MECR: variants seen among roughly 807,000 people sequenced by gnomAD.
MECR encodes mitochondrial trans-2-enoyl-CoA reductase, also known as enoyl-[acyl-carrier-protein] reductase, mitochondrial.
MECR carries 37 observed loss-of-function variants against 49.1 expected under a neutral mutation model. That is an observed-to-expected ratio of 0.75 (90% CI 0.58 to 0.99). The LOEUF (loss-of-function observed/expected upper bound fraction) is 0.99. Ranked by LOEUF, MECR falls within the 50% of genes least tolerant of loss-of-function variation. The probability of loss-of-function intolerance (pLI) is 0.00; values close to 1 mark genes in which losing one functional copy is unlikely to be tolerated. For synonymous variants in MECR, 198 were observed against 191.1 expected (o/e 1.04, Z -0.30); for missense variants, 470 against 479.6 (o/e 0.98, Z 0.19).
At chr1:29,216,729 G>A (rs760811078) in intron 1 of MECR, 44 bp from the exon 2 acceptor site, 112 of 1,613,516 alleles carry the variant, frequency 6.9e-5, no homozygotes, top group Non-Finnish European at 9.2e-5. Flanking sequence ...ATCCAGGCTA[G>A]AATGGGTGTT....
intron 1 of MECR, among the ~76,000 whole-genome samples, chr1:29,219,092 G>A (rs1038326680): frequency 1.3e-5 from 2 of 152,132 alleles, no homozygotes; most frequent in Non-Finnish European, 2.9e-5. Context: ...AGGCTGGACC[G>A]GCTGCCGTTG....
chr1:29,194,136 G>A lies in MECR; in HGVS notation c.1008C>T (p.Arg336=). Residue 336 remains arginine, a synonymous_variant, in exon 10 of 10, where the codon CGC becomes CGT. Coordinates refer to ENST00000263702, the MANE Select transcript of MECR (RefSeq NM_016011.5). ...ELILTLCDLI[R]RGQLTAPACS... is the part of the protein sequence containing the mutation. Reference sequence around the variant, plus strand: ...AGGCAGGGGCTGTGAGCTGGCCTCGGCGGATGAGATCGCACAGTGTGAGGA... The same window carrying A: ...AGGCAGGGGCTGTGAGCTGGCCTCGACGGATGAGATCGCACAGTGTGAGGA... 1.2e-6 allele frequency: 2 copies of A among 1,613,928 alleles called. No individual in the cohort carries two copies. The highest frequency in any genetic ancestry group is 2.2e-5 in the South Asian group (2 of 91,052).
Position 29,230,742 on chromosome 1 carries a change from G to A in MECR, c.165C>T (p.Ala55=). 1.3e-6 allele frequency: 2 copies of A among 1,583,098 alleles called. No homozygotes were observed. The highest frequency in any genetic ancestry group is 8.6e-7 in the Non-Finnish European group (1 of 1,164,700). ...ALVYGHHGDP[A]KVVELKNLEL... Reference sequence around the variant, plus strand: ...GCGCCGTCTCTTACTCGACGACCTTGGCTGGATCCCCGTGGTGCCCATAGA... The same window carrying A: ...GCGCCGTCTCTTACTCGACGACCTTAGCTGGATCCCCGTGGTGCCCATAGA... Residue 55 remains alanine (A), a synonymous_variant, in exon 1 of 10, where the codon GCC becomes GCT. Coordinates refer to ENST00000263702, the MANE Select transcript of MECR (RefSeq NM_016011.5).
chr1:29,194,320 G>GCCTCCACA, intron 9 of MECR, 141 bp from the exon 10 acceptor site: 1 of 906,162 alleles, frequency 1.1e-6, no homozygotes, highest in Non-Finnish European at 1.6e-6. Context: ...AGGATAGGGT[G>GCCTCCACA]GCTGTGGAGG....
At chr1:29,190,373 CAAAAA>C (rs907123010), downstream of MECR, among the ~76,000 whole-genome samples, 1 of 149,532 alleles carries the variant, frequency 6.7e-6, no homozygotes, top group Non-Finnish European at 1.5e-5. Flanking sequence ...CAAAACAAAA[CAAAAA>C]AAAACCGTAG....
At chr1:29,208,251 C>G (rs986016675) in intron 3 of MECR, among the ~76,000 whole-genome samples, 1 of 152,240 alleles carries the variant, frequency 6.6e-6, no homozygotes, top group East Asian at 1.9e-4. Flanking sequence ...CTCGGCCTCC[C>G]AGAGTGCTGG....
At chr1:29,223,290 C>CAA in intron 1 of MECR, 3 of 985,330 alleles carry the variant, frequency 3.0e-6, no homozygotes, top group Non-Finnish European at 3.6e-6. Flanking sequence ...ACAAGGGAGA[C>CAA]AAAAGCAGGC....
the MECR span, chr1:29,170,393 A>G: frequency 6.6e-6 from 1 of 152,216 alleles, no homozygotes; most frequent in African/African-American, 2.4e-5. Context: ...TTCCACACAA[A>G]AGCTACAAAC....
the MECR span, among the ~76,000 whole-genome samples, chr1:29,175,694 C>CAAAA: frequency 0.083 from 3,200 of 38,396 alleles, 653 homozygotes; most frequent in Non-Finnish European, 0.11. Flanking sequence ...GACGCTGTCT[C>CAAAA]AAAAAAAAAA....
chr1:29,190,465 G>T (rs1364154163), downstream of MECR, among the ~76,000 whole-genome samples: 3 of 151,470 alleles, frequency 2.0e-5, no homozygotes, highest in Admixed American at 2.0e-4. Context: ...GGAAGGGGAA[G>T]AAAAAGGTAC....
At chr1:29,228,100 G>A (rs552213441) in intron 1 of MECR, among the ~76,000 whole-genome samples, 2 of 152,216 alleles carry the variant, frequency 1.3e-5, no homozygotes, top group East Asian at 1.9e-4. Context: ...GTCAAGCTGG[G>A]TGTGGTGGTA....
intron 5 of MECR, 33 bp downstream of exon 5, chr1:29,203,098 A>T: frequency 6.6e-7 from 1 of 1,510,806 alleles, no homozygotes; most frequent in Non-Finnish European, 9.0e-7. Context: ...GACCCAAGAC[A>T]TGGTCTGGGA....
At chr1:29,168,171 T>C in the MECR span, among the ~76,000 whole-genome samples, 3 of 150,770 alleles carry the variant, frequency 2.0e-5, no homozygotes, top group Non-Finnish European at 4.4e-5. Flanking sequence ...TGCACCACCA[T>C]GCCCGGCAAA....
chr1:29,174,681 T>G, the MECR span, among the ~76,000 whole-genome samples: 1,517 of 149,568 alleles, frequency 0.01, 36 homozygotes, highest in African/African-American at 0.035. Context: ...ATAGGTTTTT[T>G]TTTTTTTTTT....
chr1:29,176,138 G>A, the MECR span, among the ~76,000 whole-genome samples: 3 of 152,126 alleles, frequency 2.0e-5, no homozygotes, highest in East Asian at 1.9e-4. Flanking sequence ...TGTAGTCCCA[G>A]CTACTTGGGA....
In MECR at chr1:29,214,641, G is replaced by A. The variant is rs143887356; in HGVS notation, c.406+1364C>T. Reference sequence around the variant, plus strand: ...CTCCCAAAGTGCTGGGATTACAGGCGTGAGCCACCACGCCTGGCCCCAACT... The same window carrying A: ...CTCCCAAAGTGCTGGGATTACAGGCATGAGCCACCACGCCTGGCCCCAACT... On this transcript the variant is annotated intron_variant, in intron 3 of 9. Transcript: ENST00000263702. Among the ~76,000 whole-genome samples the A allele has an allele frequency of 6.4e-4, 98 of 151,980 alleles. 1 individual carries two copies. Among genetic ancestry groups the A allele is most frequent in the African/African-American group, 2.0e-3 (84 of 41,444 alleles).
the MECR span, among the ~76,000 whole-genome samples, chr1:29,183,982 C>T: frequency 6.6e-6 from 1 of 151,286 alleles, no homozygotes; most frequent in East Asian, 1.9e-4. Context: ...TGGGTTCAAG[C>T]GTTCTCCTTC....
rs757670457 is a variant in MECR, at chr1:29,206,890, T to G, written c.422A>C (p.Glu141Ala). ...ANAGLGTWRT[E>A]AVFSEEALIQ... ...CAGTGCTTCCTCGCTGAACACAGCC[T>G]CGGTCCGCCAGGTTCCTGAGTCAGA... is the stretch of plus-strand genomic sequence containing the variant. Residue 141 changes from glutamate (E) to alanine (A), a missense_variant, in exon 4 of 10, where the codon GAG (glutamate) becomes GCG (alanine). Coordinates refer to ENST00000263702, the MANE Select transcript of MECR (RefSeq NM_016011.5). The G allele has an allele frequency of 6.2e-7, 1 of 1,614,012 alleles. No individual in the cohort carries two copies. The highest frequency in any genetic ancestry group is 1.3e-5 in the African/African-American group (1 of 74,924).
At chr1:29,190,139 C>T (rs1673092280), downstream of MECR, among the ~76,000 whole-genome samples, 1 of 152,064 alleles carries the variant, frequency 6.6e-6, no homozygotes. Flanking sequence ...CTTTGGGAGG[C>T]TGAGGCGGGC....
Sources: allele counts gnomAD v4.1 joint callset (sites outside exome capture counted in the v4.1 genomes callset), GRCh38; gene constraint gnomAD v4.1.1; transcripts MANE v1.5; gene names NCBI Gene and HGNC (gene_info 2026-07-23, HGNC 2026-07-21).